The following SMPD4 variants were observed in gnomAD, a reference collection of about 807,000 sequenced individuals.
SMPD4 encodes the protein sphingomyelin phosphodiesterase 4.
In SMPD4, 58 loss-of-function variants were observed where a neutral mutation model predicts 97.8. The observed-to-expected ratio is 0.59, with a 90% CI of 0.48 to 0.74. The LOEUF (loss-of-function observed/expected upper bound fraction) is 0.74, where lower values mean the gene tolerates loss of function less well. SMPD4 is among the 30% of genes least tolerant of loss of function. SMPD4 has a pLI of 0.00. For synonymous variants in SMPD4, 388 were observed against 450.0 expected, an observed-to-expected ratio of 0.86 and a Z score of 1.74; for missense variants, 853 against 1,080.5, an observed-to-expected ratio of 0.79 and a Z score of 2.95.
At chr2:130,170,142 T>A (rs1169945316) in intron 8 of SMPD4, among the ~76,000 whole-genome samples, 4 of 152,148 alleles carry the variant, frequency 2.6e-5, no homozygotes, top group Non-Finnish European at 5.9e-5. Flanking sequence ...AAGTGATGAT[T>A]ATGACACTGC....
Position 130,154,616 on chromosome 2 carries a change from G to A in SMPD4, c.1454-134C>T, listed in dbSNP as rs764276295. On this transcript the variant is annotated intron_variant, in intron 15 of 19. Coordinates refer to ENST00000680298, the MANE Select transcript of SMPD4 (RefSeq NM_017951.5). ...GGGGTGTCCTCCTGAGGCCCTGCCT[G>A]GCAGCATCTCCCACACAGTAGGTGG... 1.9e-5 allele frequency: 24 copies of A among 1,247,638 alleles called. No individual in the cohort carries two copies. The South Asian group carries it at 3.1e-4, about 16-fold the overall frequency. The allele number at this position is 1,247,638 out of a possible 1,614,324, so 77.3% of individuals were successfully genotyped here. A position where few individuals can be genotyped will look rare whatever the true frequency, so the allele number is the denominator to read the frequency against.
intron 9 of SMPD4, 123 bp downstream of exon 9, chr2:130,167,335 G>C: frequency 2.2e-6 from 3 of 1,343,732 alleles, no homozygotes; most frequent in Non-Finnish European, 2.1e-6. Context: ...TGGCCAGGTT[G>C]GTCCCAAACT....
chr2:130,180,249 C>T (rs183173843), intron 1 of SMPD4, among the ~76,000 whole-genome samples: 10 of 151,686 alleles, frequency 6.6e-5, no homozygotes, highest in African/African-American at 2.2e-4. Flanking sequence ...AAGCGTGAGC[C>T]ACTGCGCCCG....
intron 10 of SMPD4, among the ~76,000 whole-genome samples, chr2:130,163,248 G>GC (rs1428515849): frequency 1.3e-5 from 2 of 152,266 alleles, no homozygotes; most frequent in Non-Finnish European, 2.9e-5. Flanking sequence ...GGAACATGCA[G>GC]CAAGTCTGCT....
chr2:130,165,108 T>TAAAAAA (rs35361623), intron 9 of SMPD4, among the ~76,000 whole-genome samples: 5 of 61,898 alleles, frequency 8.1e-5, no homozygotes, highest in African/African-American at 2.8e-4. Flanking sequence ...GACTCTGATT[T>TAAAAAA]AAAAAAAAAA....
chr2:130,162,004 GC>G (rs1687470921), intron 10 of SMPD4, among the ~76,000 whole-genome samples: 1 of 152,228 alleles, frequency 6.6e-6, no homozygotes, highest in African/African-American at 2.4e-5. Flanking sequence ...GAGACGAGGA[GC>G]ACAGGCTCAG....
intron 11 of SMPD4, 145 bp downstream of exon 11, chr2:130,161,041 T>G: frequency 1.4e-6 from 1 of 697,304 alleles, no homozygotes; most frequent in Non-Finnish European, 2.5e-6. Flanking sequence ...GGCTGGAGGC[T>G]GACCCCTGCC....
At chr2:130,181,162 G>A in intron 1 of SMPD4, 1 of 721,052 alleles carries the variant, frequency 1.4e-6, no homozygotes, top group Non-Finnish European at 1.8e-6. Flanking sequence ...GGAGCACACA[G>A]GGGAAGGGTC....
chr2:130,171,720 G>A (rs989566766), intron 8 of SMPD4, among the ~76,000 whole-genome samples: 1 of 152,232 alleles, frequency 6.6e-6, no homozygotes, highest in Non-Finnish European at 1.5e-5. Context: ...GCATCTGCAG[G>A]AAGGGGCCTG....
chr2:130,173,698 C>T (rs1434069446), intron 3 of SMPD4, 42 bp from the exon 4 acceptor site: 1 of 1,612,098 alleles, frequency 6.2e-7, no homozygotes, highest in Admixed American at 1.7e-5. Context: ...GACCAGCACC[C>T]ACTCCTGCCC....
At chr2:130,163,597 G>A (rs1687633105) in intron 10 of SMPD4, among the ~76,000 whole-genome samples, 1 of 152,262 alleles carries the variant, frequency 6.6e-6, no homozygotes, top group Non-Finnish European at 1.5e-5. Context: ...AGACGCCATG[G>A]GCACCAGACT....
rs1416894833 is a variant in SMPD4 at position 130,156,032 on chromosome 2, C to T, written c.1289+3G>A. The T allele has an allele frequency of 1.9e-6, 3 of 1,610,868 alleles. No homozygotes were observed. Among genetic ancestry groups the T allele is most frequent in the Admixed American group, 1.7e-5 (1 of 60,020 alleles). On this transcript the variant is annotated splice_donor_region_variant and intron_variant, in intron 14 of 19. Transcript: ENST00000680298. ...CATGTCTGTGAGAGGAGCTGAGGCT[C>T]ACCATTTCTCCGACACACACCGGGG...
At chr2:130,171,076 A>G (rs1245001154) in intron 8 of SMPD4, among the ~76,000 whole-genome samples, 1 of 150,146 alleles carries the variant, frequency 6.7e-6, no homozygotes, top group Non-Finnish European at 1.5e-5. Flanking sequence ...AACACAAAAT[A>G]AAATAAAATA....
intron 9 of SMPD4, among the ~76,000 whole-genome samples, chr2:130,166,937 CAG>C (rs1480173986): frequency 5.9e-5 from 9 of 152,250 alleles, no homozygotes; most frequent in African/African-American, 1.4e-4. Context: ...CTTCCATGGA[CAG>C]GGGATCCTGG....
rs758782981 is a variant in SMPD4, at chr2:130,153,331, C to T, written c.2013G>A (p.Leu671=). Reference sequence around the variant, plus strand: ...ACGGGCCTCTCACCTGGTACCGCCCCAGGGGCGTAAGGATGAGTCCGTCCT... The same window carrying T: ...ACGGGCCTCTCACCTGGTACCGCCCTAGGGGCGTAAGGATGAGTCCGTCCT... ...VGEDGLILTP[L]GRYQIINGLR... Residue 671 remains leucine (L), a synonymous_variant, in exon 18 of 20, where the codon CTG becomes CTA. Transcript: ENST00000680298. 3 of 1,613,754 alleles carry T rather than the reference C, an allele frequency of 1.9e-6. No individual in the cohort carries two copies. In the Admixed American group the frequency reaches 5.0e-5, roughly 27 times the overall value.
intron 1 of SMPD4, among the ~76,000 whole-genome samples, chr2:130,180,985 T>TTTTTG (rs1553441531): frequency 1.3e-5 from 2 of 152,064 alleles, no homozygotes; most frequent in African/African-American, 4.8e-5. Flanking sequence ...CCCCGTTTGT[T>TTTTTG]TTTTGTTTTG....
At position 130,174,867 on chromosome 2, in the gene SMPD4, C is replaced by A. The variant is rs370831710; in HGVS notation, c.126+47G>T. The A allele has an allele frequency of 5.8e-6, 8 of 1,385,722 alleles. No individual in the cohort carries two copies. In the Admixed American group the frequency reaches 6.9e-5, roughly 12 times the overall value. 85.8% of individuals were successfully genotyped at this position (1,385,722 alleles called of 1,614,324 possible). On this transcript the variant is annotated intron_variant, in intron 3 of 19. Coordinates refer to ENST00000680298, the MANE Select transcript of SMPD4 (RefSeq NM_017951.5). ...TAGGAATTATAATAAAGTTCTTCAA[C>A]GAATGTATAAGACATGCTCCAAAGA...
Position 130,172,881 on chromosome 2 carries a change from C to T in SMPD4, c.360G>A (p.Ala120=), listed in dbSNP as rs766324469. Residue 120 remains alanine, a synonymous_variant, in exon 6 of 20, where the codon GCG becomes GCA. Coordinates refer to ENST00000680298, the MANE Select transcript of SMPD4 (RefSeq NM_017951.5). ...PVSYLPGPVK[A]SIQECILPDS... The stretch of plus-strand genomic sequence containing the variant: ...CAGGGAGGATGCACTCCTGGATGGA[C>T]GCCTTCACAGGACCCTGCAGAGAGA... 14 of 1,612,402 alleles carry T rather than the reference C, an allele frequency of 8.7e-6. No homozygotes were observed. In the East Asian group the frequency reaches 8.9e-5, roughly 10 times the overall value.
At chr2:130,181,743 G>A, upstream of SMPD4, 1 of 1,548,552 alleles carries the variant, frequency 6.5e-7, no homozygotes, top group Non-Finnish European at 8.7e-7. Flanking sequence ...GTGCGGGGGA[G>A]GGAGTGGTCC....
Sources: gnomAD v4.1 joint callset for allele counts (sites outside exome capture counted in the v4.1 genomes callset) on GRCh38, gnomAD v4.1.1 for gene constraint, MANE v1.5 for transcripts, NCBI Gene and HGNC (gene_info 2026-07-23, HGNC 2026-07-21) for gene names.